The following ANK3 variants were observed in gnomAD, a reference collection of about 807,000 sequenced individuals.
The protein encoded by ANK3 is ankyrin-3.
ANK3 carries 57 observed loss-of-function variants against 370.9 expected under a neutral mutation model. The observed-to-expected ratio is 0.15, with a 90% CI of 0.12 to 0.19. ANK3 has a LOEUF of 0.19. Among genes scored for constraint, ANK3 ranks in the 10% least tolerant of loss-of-function variants. The pLI is 1.00. For synonymous variants in ANK3, 1,929 were observed against 1,946.3 expected (o/e 0.99, Z 0.23); for missense variants, 4,439 against 5,302.1 (o/e 0.84, Z 5.06).
intron 2 of ANK3, among the ~76,000 whole-genome samples, chr10:60,472,292 G>T (rs1176619529): frequency 6.6e-6 from 1 of 152,098 alleles, no homozygotes; most frequent in African/African-American, 2.4e-5. Context: ...GCTATTATTT[G>T]AGACTAACTC....
In ANK3 at chr10:60,169,360, C is replaced by T. The variant is rs1187753152; in HGVS notation, c.2479-2464G>A. On this transcript the variant is annotated intron_variant, in intron 21 of 43. Coordinates refer to ENST00000280772, the MANE Select transcript of ANK3 (RefSeq NM_020987.5). The stretch of plus-strand genomic sequence containing the variant: ...TATGTCCATCAACTGGGGCTTGTCT[C>T]ATAGTTTTTTTTTTTTTTTTTTTTT... Among the ~76,000 whole-genome samples, 3 of 86,478 alleles carry T rather than the reference C, an allele frequency of 3.5e-5. No homozygotes were observed. The South Asian group carries it at 1.4e-3, about 40-fold the overall frequency. 56.7% of individuals were successfully genotyped at this position (86,478 alleles called of 152,430 possible). A position where few individuals can be genotyped will look rare whatever the true frequency, so the allele number is the denominator to read the frequency against.
rs569569833 is a variant in ANK3, at chr10:60,433,479, C to A, written c.97-153840G>T. Among the ~76,000 whole-genome samples the A allele has an allele frequency of 2.0e-5, 3 of 151,962 alleles. 1 individual carries two copies. The highest frequency in any genetic ancestry group is 7.3e-5 in the African/African-American group (3 of 41,362). On this transcript the variant is annotated intron_variant, in intron 2 of 43. Coordinates refer to the ANK3 transcript ENST00000373827. ...TAGTGGTGCACAACTATAATCACAG[C>A]CATGTTGGGAGGCTGAGGCATGAGA... is the stretch of plus-strand genomic sequence containing the variant.
At chr10:60,586,081 A>T (rs553209221) in intron 2 of ANK3, among the ~76,000 whole-genome samples, 1 of 116,376 alleles carries the variant, frequency 8.6e-6, no homozygotes, top group South Asian at 2.9e-4. Context: ...TGAGTGTTAA[A>T]AAAGGGAAAA....
At chr10:60,677,427 G>C (rs1404663508) in intron 1 of ANK3, among the ~76,000 whole-genome samples, 1 of 152,118 alleles carries the variant, frequency 6.6e-6, no homozygotes, top group African/African-American at 2.4e-5. Context: ...AATATATTAT[G>C]TCATTTAAAA....
chr10:60,695,145 C>A (rs368255771), intron 1 of ANK3, among the ~76,000 whole-genome samples: 1 of 151,952 alleles, frequency 6.6e-6, no homozygotes, highest in Non-Finnish European at 1.5e-5. Flanking sequence ...TCAAAAGAGA[C>A]AAAGAAGTCC....
intron 2 of ANK3, among the ~76,000 whole-genome samples, chr10:60,418,143 T>C (rs1041446976): frequency 1.1e-4 from 16 of 152,140 alleles, no homozygotes; most frequent in Non-Finnish European, 2.4e-4. Flanking sequence ...CTGCAAGCTG[T>C]CTTACCTCTA....
intron 7 of ANK3, among the ~76,000 whole-genome samples, chr10:60,252,495 A>G (rs2097683923): frequency 6.6e-6 from 1 of 152,216 alleles, no homozygotes; most frequent in African/African-American, 2.4e-5. Context: ...CCTTAATAGA[A>G]CTTCATTTCA....
chr10:60,711,295 G>T (rs1589062411), intron 1 of ANK3, among the ~76,000 whole-genome samples: 1 of 151,980 alleles, frequency 6.6e-6, no homozygotes, highest in East Asian at 1.9e-4. Context: ...CACATTGCAT[G>T]CCTGTATCAA....
chr10:60,120,740 C>G (rs1409030653), intron 25 of ANK3, among the ~76,000 whole-genome samples: 1 of 152,196 alleles, frequency 6.6e-6, no homozygotes, highest in Non-Finnish European at 1.5e-5. Flanking sequence ...CACTGATCAT[C>G]AGAGAAATTT....
chr10:60,573,062 CAT>C (rs2077635546), intron 2 of ANK3: 2 of 953,990 alleles, frequency 2.1e-6, no homozygotes, highest in African/African-American at 1.8e-5. Context: ...CATACTAACA[CAT>C]GTGTTGAATG....
chr10:60,419,679 C>A (rs982108839), intron 2 of ANK3, among the ~76,000 whole-genome samples: 1 of 152,162 alleles, frequency 6.6e-6, no homozygotes, highest in Admixed American at 6.5e-5. Flanking sequence ...TCCTGCCTAC[C>A]TAAGCCTGCC....
chr10:60,572,510 C>A, intron 2 of ANK3: 1 of 1,535,254 alleles, frequency 6.5e-7, no homozygotes, highest in Non-Finnish European at 8.7e-7. Flanking sequence ...CATTTTTCTC[C>A]TTTGGTTCTT....
chr10:60,140,395 T>G (rs769348075), intron 23 of ANK3: 1 of 1,613,632 alleles, frequency 6.2e-7, no homozygotes, highest in Non-Finnish European at 8.5e-7. Context: ...GATCAAATGT[T>G]TTCCTGATGT....
chr10:60,142,934 A>G (rs1458936156), intron 23 of ANK3, among the ~76,000 whole-genome samples: 1 of 152,146 alleles, frequency 6.6e-6, no homozygotes, highest in African/African-American at 2.4e-5. Flanking sequence ...AACTGCTCTG[A>G]GTCATAGTTC....
chr10:60,124,735 C>T (rs2093670877), intron 25 of ANK3, among the ~76,000 whole-genome samples: 1 of 152,148 alleles, frequency 6.6e-6, no homozygotes, highest in Non-Finnish European at 1.5e-5. Context: ...TGCCTAGTGG[C>T]CAGCAGGAGA....
intron 38 of ANK3, 21 bp downstream of exon 38, chr10:60,067,914 T>G (rs754923443): frequency 6.3e-7 from 1 of 1,585,098 alleles, no homozygotes; most frequent in Non-Finnish European, 8.6e-7. Flanking sequence ...ATTTGTTCCA[T>G]TCAGGAGTGT....
At chr10:60,216,312 G>A (rs2096936162) in intron 8 of ANK3, among the ~76,000 whole-genome samples, 1 of 152,162 alleles carries the variant, frequency 6.6e-6, no homozygotes, top group Non-Finnish European at 1.5e-5. Context: ...TCAAATAGGA[G>A]TGGTGAGACA....
intron 2 of ANK3, among the ~76,000 whole-genome samples, chr10:60,433,916 C>G (rs1278741601): frequency 1.3e-5 from 2 of 152,212 alleles, no homozygotes; most frequent in Non-Finnish European, 2.9e-5. Flanking sequence ...TCTGAAATCT[C>G]TTACTATGCA....
intron 2 of ANK3, among the ~76,000 whole-genome samples, chr10:60,448,673 C>T (rs1239298588): frequency 6.6e-6 from 1 of 152,236 alleles, no homozygotes; most frequent in Admixed American, 6.5e-5. Flanking sequence ...ACTCCATGAC[C>T]TCAACCTAGC....
Sources: allele counts gnomAD v4.1 joint callset (sites outside exome capture counted in the v4.1 genomes callset), GRCh38; gene constraint gnomAD v4.1.1; transcripts MANE v1.5; gene names NCBI Gene and HGNC (gene_info 2026-07-23, HGNC 2026-07-21).